The following SSPN variants were observed in gnomAD, a reference collection of about 807,000 sequenced individuals.
SSPN encodes K-ras oncogene-associated protein.
SSPN carries 15 observed loss-of-function variants against 19.1 expected under a neutral mutation model. That is an observed-to-expected ratio of 0.78 (90% CI 0.52 to 1.21). The LOEUF is 1.21. Among genes scored for constraint, SSPN ranks in the 50% most tolerant of loss-of-function variants. The pLI is 0.00. For missense variants in SSPN, 291 were observed against 314.0 expected, an observed-to-expected ratio of 0.93 and a Z score of 0.55; for synonymous variants, 147 against 140.3, an observed-to-expected ratio of 1.05 and a Z score of -0.34.
At chr12:26,227,809 A>C (rs1945192601) in intron 2 of SSPN, among the ~76,000 whole-genome samples, 1 of 152,188 alleles carries the variant, frequency 6.6e-6, no homozygotes, top group East Asian at 1.9e-4. Flanking sequence ...GGATTGATGA[A>C]TTTGCCCAGG....
At chr12:26,207,812 A>C (rs891649501) in intron 1 of SSPN, among the ~76,000 whole-genome samples, 3 of 152,170 alleles carry the variant, frequency 2.0e-5, no homozygotes, top group African/African-American at 7.2e-5. Flanking sequence ...GCAACATGGC[A>C]AAACCCCGTC....
intron 1 of SSPN, among the ~76,000 whole-genome samples, chr12:26,163,425 A>G (rs10771264): frequency 0.41 from 62,905 of 152,074 alleles, 15,523 homozygotes; most frequent in Admixed American, 0.57. Flanking sequence ...TGCTGCTCTA[A>G]CAGATTACCT....
chr12:26,175,132 C>T (rs535169979), intron 1 of SSPN, among the ~76,000 whole-genome samples: 4 of 152,286 alleles, frequency 2.6e-5, no homozygotes, highest in African/African-American at 9.6e-5. Flanking sequence ...AACTCTTTTC[C>T]GAAGTGGGTG....
chr12:26,174,769 C>T (rs949328025), intron 1 of SSPN, among the ~76,000 whole-genome samples: 2 of 152,190 alleles, frequency 1.3e-5, no homozygotes, highest in African/African-American at 2.4e-5. Flanking sequence ...GGTCCACCCA[C>T]CTCGACCTCC....
chr12:26,136,480 C>T (rs1944425579), intron 1 of SSPN, among the ~76,000 whole-genome samples: 1 of 152,192 alleles, frequency 6.6e-6, no homozygotes, highest in African/African-American at 2.4e-5. Flanking sequence ...GCAGTACCTC[C>T]CTCTGTTTAT....
intron 1 of SSPN, among the ~76,000 whole-genome samples, chr12:26,185,047 T>A (rs1944743938): frequency 6.6e-6 from 1 of 152,212 alleles, no homozygotes; most frequent in South Asian, 2.1e-4. Flanking sequence ...GATTAAATTA[T>A]TTTAGATTTA....
At chr12:26,172,869 G>C (rs1018788379) in intron 1 of SSPN, among the ~76,000 whole-genome samples, 8 of 151,188 alleles carry the variant, frequency 5.3e-5, no homozygotes, top group South Asian at 4.2e-4. Flanking sequence ...CTCTCTGTCT[G>C]TCTTTCCCCA....
intron 1 of SSPN, chr12:26,125,285 G>C (rs112137728): frequency 0.086 from 20,106 of 233,042 alleles, 1,392 homozygotes; most frequent in Non-Finnish European, 0.11. Context: ...GCAGGAGGAG[G>C]GGGGAGTGGG....
intron 1 of SSPN, among the ~76,000 whole-genome samples, chr12:26,156,459 C>T: frequency 6.6e-6 from 1 of 152,220 alleles, no homozygotes; most frequent in East Asian, 1.9e-4. Flanking sequence ...AAGGGAGGAC[C>T]ACAGAGTGAT....
intron 1 of SSPN, among the ~76,000 whole-genome samples, chr12:26,182,864 G>C (rs549524805): frequency 6.6e-6 from 1 of 151,326 alleles, no homozygotes. Context: ...CCAGGTTCAA[G>C]TGATTCTCCA....
intron 1 of SSPN, among the ~76,000 whole-genome samples, chr12:26,155,729 A>T (rs1261995186): frequency 6.6e-6 from 1 of 152,246 alleles, no homozygotes; most frequent in Non-Finnish European, 1.5e-5. Flanking sequence ...GGGACAAAAA[A>T]TAGAGCTAAC....
chr12:26,174,868 G>A (rs1944675157), intron 1 of SSPN, among the ~76,000 whole-genome samples: 2 of 152,084 alleles, frequency 1.3e-5, no homozygotes, highest in African/African-American at 4.8e-5. Flanking sequence ...TGCCTCTATA[G>A]ATTAGTTTGC....
chr12:26,148,992 C>T (rs1360451490), intron 1 of SSPN, among the ~76,000 whole-genome samples: 1 of 152,162 alleles, frequency 6.6e-6, no homozygotes, highest in Non-Finnish European at 1.5e-5. Flanking sequence ...CACATTATTC[C>T]TGTTTAAGGT....
chr12:26,216,266 A>G (rs1057023589), intron 1 of SSPN, among the ~76,000 whole-genome samples: 1 of 152,180 alleles, frequency 6.6e-6, no homozygotes, highest in Non-Finnish European at 1.5e-5. Flanking sequence ...CAAAAGGTTC[A>G]TCCCAGCACC....
At chr12:26,122,425 G>A in intron 1 of SSPN, 2 of 1,350,056 alleles carry the variant, frequency 1.5e-6, no homozygotes, top group Non-Finnish European at 9.6e-7. Context: ...AGGAAGGGCT[G>A]CACGTAGGCG....
At chr12:26,128,438 T>G (rs534778743) in intron 1 of SSPN, among the ~76,000 whole-genome samples, 4 of 152,358 alleles carry the variant, frequency 2.6e-5, no homozygotes, top group African/African-American at 9.6e-5. Flanking sequence ...TATAATTTTG[T>G]ACAGATGGAC....
chr12:26,214,708 C>G (rs770789048), intron 1 of SSPN: 1 of 152,090 alleles, frequency 6.6e-6, no homozygotes, highest in Non-Finnish European at 1.5e-5. Context: ...TGCTTTGCGC[C>G]ATTTTCACCT....
intron 1 of SSPN, among the ~76,000 whole-genome samples, chr12:26,165,976 A>T (rs1944618251): frequency 6.6e-6 from 1 of 152,204 alleles, no homozygotes; most frequent in Non-Finnish European, 1.5e-5. Context: ...GTTGTACCAG[A>T]TCACCTCTTG....
rs992904170 is a variant in SSPN, at chr12:26,231,084, G to A, written c.*8G>A. The A allele has an allele frequency of 1.9e-6, 3 of 1,602,900 alleles. No individual in the cohort carries two copies. The African/African-American group carries it at 4.0e-5, about 22-fold the overall frequency. On this transcript the variant is annotated 3_prime_UTR_variant, in exon 3 of 3. Coordinates refer to ENST00000242729, the MANE Select transcript of SSPN (RefSeq NM_005086.5). ...CCCCAGCAAAAGATCTAACATTCTTGCTCAAAGTTGCGAGAGAAAGTAGCA... is the reference window on the plus strand; with the variant it reads ...CCCCAGCAAAAGATCTAACATTCTTACTCAAAGTTGCGAGAGAAAGTAGCA...
Sources: allele counts gnomAD v4.1 joint callset (sites outside exome capture counted in the v4.1 genomes callset), GRCh38; gene constraint gnomAD v4.1.1; transcripts MANE v1.5; gene names NCBI Gene and HGNC (gene_info 2026-07-23, HGNC 2026-07-21).